The following SLC12A5 variants were observed in gnomAD, a reference collection of about 807,000 sequenced individuals.
The protein encoded by SLC12A5 is solute carrier family 12 member 5.
A neutral mutation model predicts 124.0 loss-of-function variants in SLC12A5; 18 were observed. The observed-to-expected ratio is 0.15, with a 90% CI of 0.10 to 0.22. The LOEUF is 0.22. Ranked by LOEUF, SLC12A5 falls within the 10% of genes least tolerant of loss-of-function variation. The pLI, the probability that SLC12A5 is intolerant of heterozygous loss-of-function variation, is 1.00. For missense variants in SLC12A5, 867 were observed against 1,478.7 expected, an observed-to-expected ratio of 0.59 and a Z score of 6.78; for synonymous variants, 589 against 568.0, an observed-to-expected ratio of 1.04 and a Z score of -0.53.
intron 8 of SLC12A5, among the ~76,000 whole-genome samples, chr20:46,042,816 A>T (rs1207531676): frequency 6.6e-6 from 1 of 152,052 alleles, no homozygotes; most frequent in African/African-American, 2.4e-5. Context: ...GAAATATGGG[A>T]TGCAGGAAAG....
upstream of SLC12A5, among the ~76,000 whole-genome samples, chr20:46,025,540 G>A (rs963164284): frequency 3.9e-5 from 6 of 152,180 alleles, no homozygotes; most frequent in South Asian, 4.1e-4. Context: ...TTCTCCAGGT[G>A]GGGTGGGGAT....
downstream of SLC12A5, among the ~76,000 whole-genome samples, chr20:46,023,885 A>G (rs1234211893): frequency 1.3e-5 from 2 of 152,018 alleles, no homozygotes; most frequent in East Asian, 1.9e-4. Flanking sequence ...GTAGGTGTGT[A>G]ATGCTCATAA....
At chr20:46,028,879 G>A (rs1397594589), upstream of SLC12A5, 1 of 156,310 alleles carries the variant, frequency 6.4e-6, no homozygotes, top group Non-Finnish European at 1.4e-5. Flanking sequence ...GTTATTTTTA[G>A]GGCGCGGGAT....
Position 46,036,724 on chromosome 20 carries a change from G to T in SLC12A5, c.427-17G>T. ...CCCCTACCCCAGCCACCGCTCTGATGATCTCTTTCCTCACAGACGATGCTC... is the reference window on the plus strand; with the variant it reads ...CCCCTACCCCAGCCACCGCTCTGATTATCTCTTTCCTCACAGACGATGCTC... On this transcript the variant is annotated splice_polypyrimidine_tract_variant and intron_variant, in intron 4 of 25. Transcript: ENST00000243964. The T allele has an allele frequency of 6.2e-7, 1 of 1,613,502 alleles. No homozygotes were observed. Among genetic ancestry groups the T allele is most frequent in the Non-Finnish European group, 8.5e-7 (1 of 1,179,690 alleles).
rs745916414 is a variant in SLC12A5 at position 46,046,023 on chromosome 20, C to A, written c.1688+27C>A. ...TGCGTGCCTGACTTCTTGCCCTCCC[C>A]CCTGGTTCAGGGTGTTTCTCTATCT... On this transcript the variant is annotated intron_variant, in intron 13 of 25. Transcript: ENST00000243964. 2.5e-6 allele frequency: 4 copies of A among 1,600,476 alleles called. No homozygotes were observed. In the East Asian group the frequency reaches 8.9e-5, roughly 36 times the overall value.
At chr20:46,036,834 G>C (rs759862658) in intron 5 of SLC12A5, 39 bp downstream of exon 5, 1 of 1,611,800 alleles carries the variant, frequency 6.2e-7, no homozygotes, top group South Asian at 1.1e-5. Context: ...AGGATGGCTG[G>C]GTGGAAGGAG....
intron 11 of SLC12A5, 151 bp downstream of exon 11, chr20:46,044,084 T>A (rs1387376555): frequency 1.6e-6 from 1 of 635,186 alleles, no homozygotes; most frequent in Admixed American, 3.3e-5. Context: ...CATCTTCTTA[T>A]ATTTCATCTT....
upstream of SLC12A5, among the ~76,000 whole-genome samples, chr20:46,026,102 T>G (rs1447407874): frequency 2.6e-5 from 4 of 152,190 alleles, no homozygotes; most frequent in Admixed American, 6.5e-5. Context: ...GAAGAAAATA[T>G]GAACCTTTCC....
At chr20:46,052,366 C>A (rs1482350947) in intron 18 of SLC12A5, among the ~76,000 whole-genome samples, 1 of 152,226 alleles carries the variant, frequency 6.6e-6, no homozygotes, top group Non-Finnish European at 1.5e-5. Context: ...ATTGTTATCT[C>A]CATCTTTTTT....
chr20:46,024,937 G>A (rs1448788681), upstream of SLC12A5, among the ~76,000 whole-genome samples: 7 of 152,208 alleles, frequency 4.6e-5, no homozygotes, highest in Non-Finnish European at 1.0e-4. Flanking sequence ...AAAGAGCCCT[G>A]GGCCTGGTAG....
intron 17 of SLC12A5, among the ~76,000 whole-genome samples, chr20:46,050,694 C>A (rs1291221393): frequency 6.6e-6 from 1 of 152,172 alleles, no homozygotes; most frequent in Non-Finnish European, 1.5e-5. Context: ...TGCAGTGCAC[C>A]AGGCACTGGG....
chr20:46,043,522 T>C (rs2084566812), intron 9 of SLC12A5, 111 bp from the exon 10 acceptor site: 10 of 1,243,002 alleles, frequency 8.0e-6, no homozygotes, highest in Non-Finnish European at 1.0e-5. Context: ...CAAGCCAGTA[T>C]GTTAGGACTA....
intron 6 of SLC12A5, among the ~76,000 whole-genome samples, chr20:46,038,619 A>C (rs2084518386): frequency 1.3e-5 from 2 of 152,246 alleles, no homozygotes; most frequent in Non-Finnish European, 2.9e-5. Context: ...GATGAAAATG[A>C]TAAGGGTAGA....
intron 8 of SLC12A5, 103 bp downstream of exon 8, chr20:46,041,643 C>A (rs1221819566): frequency 1.1e-5 from 13 of 1,233,152 alleles, no homozygotes; most frequent in Middle Eastern, 2.3e-4. Context: ...TAAATTCAAT[C>A]AGCTTTAATT....
chr20:46,029,173 C>A (rs989014428), upstream of SLC12A5: 11 of 1,422,420 alleles, frequency 7.7e-6, no homozygotes, highest in Non-Finnish European at 1.0e-5. Context: ...CGGGTGTGAG[C>A]GTGTGTCCGT....
At position 46,034,930 on chromosome 20, in the gene SLC12A5, A is replaced by T; in HGVS notation, c.53-18A>T. ...ACAACTGATTGGTTCCAGATCCCTG[A>T]CCCCTCTCCCTTCTCAGGTGATGGC... On this transcript the variant is annotated intron_variant, in intron 1 of 25. Transcript: ENST00000243964. The T allele has an allele frequency of 6.2e-7, 1 of 1,612,502 alleles. No individual in the cohort carries two copies. The highest frequency in any genetic ancestry group is 8.5e-7 in the Non-Finnish European group (1 of 1,178,722).
Position 46,052,992 on chromosome 20 carries a change from C to T in SLC12A5, c.2413C>T (p.Leu805=), listed in dbSNP as rs958517768. 13 of 1,613,908 alleles carry T rather than the reference C, an allele frequency of 8.1e-6. No individual in the cohort carries two copies. The highest frequency in any genetic ancestry group is 1.1e-5 in the Non-Finnish European group (13 of 1,179,910). The change falls in exon 19 of 26, where the codon CTG becomes TTG. Residue 805 remains leucine (L), a synonymous_variant. Coordinates refer to ENST00000243964, the MANE Select transcript of SLC12A5 (RefSeq NM_020708.5). ...VRETTAGHLA[L]LVTKNVSMFP... is the part of the protein sequence containing the mutation. ...GGAAACCACAGCTGGCCACTTAGCC[C>T]TGCTGGTCACCAAGAACGTTTCCAT...
At chr20:46,036,231 T>C in intron 4 of SLC12A5, 1 of 313,420 alleles carries the variant, frequency 3.2e-6, no homozygotes. Flanking sequence ...TAGTTAACAT[T>C]TTGGCAGGTC....
Position 46,048,045 on chromosome 20 carries a change from T to C in SLC12A5, c.1972T>C (p.Leu658=), listed in dbSNP as rs1448280832. 3.7e-6 allele frequency: 6 copies of C among 1,612,758 alleles called. No homozygotes were observed. Among genetic ancestry groups the C allele is most frequent in the East Asian group, 2.2e-5 (1 of 44,880 alleles). ...LSLSAARYAL[L]RLEEGPPHTK... ...TCTCAGTGCGGCTCGCTATGCCCTC[T>C]TACGCCTGGAGGAAGGGCCCCCACA... is the stretch of plus-strand genomic sequence containing the variant. The change falls in exon 16 of 26, where the codon TTA becomes CTA. Residue 658 remains leucine, a synonymous_variant. Coordinates refer to ENST00000243964, the MANE Select transcript of SLC12A5 (RefSeq NM_020708.5).
Sources: gnomAD v4.1 joint callset for allele counts (sites outside exome capture counted in the v4.1 genomes callset) on GRCh38, gnomAD v4.1.1 for gene constraint, MANE v1.5 for transcripts, NCBI Gene and HGNC (gene_info 2026-07-23, HGNC 2026-07-21) for gene names.